Variants in ERAP1 observed in about 807,000 individuals in gnomAD.
ERAP1 encodes endoplasmic reticulum aminopeptidase 1.
A neutral mutation model predicts 103.7 loss-of-function variants in ERAP1; 86 were observed. The observed-to-expected ratio is 0.83, with a 90% confidence interval of 0.70 to 0.99. ERAP1 has a LOEUF of 0.99. Among genes scored for constraint, ERAP1 ranks in the 50% least tolerant of loss-of-function variants. ERAP1 has a pLI of 0.00. For missense variants in ERAP1, 1,009 were observed against 1,128.4 expected, an observed-to-expected ratio of 0.89 and a Z score of 1.52; for synonymous variants, 398 against 402.4, an observed-to-expected ratio of 0.99 and a Z score of 0.13.
At chr5:96,845,862 A>T in the ERAP1 span, among the ~76,000 whole-genome samples, 1 of 152,200 alleles carries the variant, frequency 6.6e-6, no homozygotes, top group Non-Finnish European at 1.5e-5. Flanking sequence ...GAAAAGAAGG[A>T]GAGAAATTAT....
the ERAP1 span, chr5:96,892,391 A>G: frequency 6.2e-7 from 1 of 1,613,880 alleles, no homozygotes; most frequent in Non-Finnish European, 8.5e-7. Flanking sequence ...TGACCCCAAG[A>G]CCTCTTCTGC....
the ERAP1 span, among the ~76,000 whole-genome samples, chr5:96,927,261 A>G: frequency 3.3e-5 from 5 of 152,196 alleles, no homozygotes; most frequent in African/African-American, 1.2e-4. Context: ...ACCATTTTAC[A>G]TTCCCATCAG....
chr5:96,907,453 T>C, the ERAP1 span, among the ~76,000 whole-genome samples: 1 of 152,226 alleles, frequency 6.6e-6, no homozygotes, highest in African/African-American at 2.4e-5. Context: ...ATATGTCAAA[T>C]ATTCTTCTTA....
the ERAP1 span, chr5:96,912,714 A>G: frequency 6.2e-7 from 1 of 1,604,404 alleles, no homozygotes; most frequent in Non-Finnish European, 8.5e-7. Context: ...CTTTTAGAGC[A>G]ATATGAACTG....
chr5:96,794,171 CTTTTTTTTTT>C (rs35041937), intron 5 of ERAP1, among the ~76,000 whole-genome samples: 46 of 68,734 alleles, frequency 6.7e-4, no homozygotes, highest in African/African-American at 1.1e-3. Flanking sequence ...CATCTCAGGC[CTTTTTTTTTT>C]TTTTTTTTTT....
At chr5:96,785,479 C>G (rs11750283) in intron 13 of ERAP1, 5 of 387,796 alleles carry the variant, frequency 1.3e-5, no homozygotes, top group Non-Finnish European at 2.5e-5. Flanking sequence ...GGGACCATGC[C>G]GCGGGGACAA....
At chr5:96,799,393 G>A (rs990962007) in intron 3 of ERAP1, among the ~76,000 whole-genome samples, 1 of 152,034 alleles carries the variant, frequency 6.6e-6, no homozygotes, top group African/African-American at 2.4e-5. Context: ...ATTTCTGTTA[G>A]TGAGAGGTAT....
chr5:96,901,648 AG>A, the ERAP1 span: 153 of 1,614,046 alleles, frequency 9.5e-5, 3 homozygotes, highest in South Asian at 1.6e-3. Context: ...GGGGTTTTCC[AG>A]GAAGACCCTG....
chr5:96,903,559 G>T, the ERAP1 span: 1 of 1,588,890 alleles, frequency 6.3e-7, no homozygotes, highest in Admixed American at 1.9e-5. Flanking sequence ...TCAGCTAGTT[G>T]GGTAAGGCAA....
the ERAP1 span, chr5:96,873,318 C>T: frequency 2.2e-6 from 1 of 456,274 alleles, no homozygotes; most frequent in Non-Finnish European, 4.4e-6. Flanking sequence ...GTGCGCAACA[C>T]TGATAGGTGC....
chr5:96,882,556 C>T, the ERAP1 span, among the ~76,000 whole-genome samples: 1 of 152,176 alleles, frequency 6.6e-6, no homozygotes, highest in Non-Finnish European at 1.5e-5. Flanking sequence ...GAAAGTGGTT[C>T]TTTTGAGATG....
chr5:96,811,164 T>A (rs1779129960), upstream of ERAP1, among the ~76,000 whole-genome samples: 1 of 152,172 alleles, frequency 6.6e-6, no homozygotes, highest in South Asian at 2.1e-4. Context: ...GGATGACTTT[T>A]TTCCCCCTCT....
At chr5:96,761,767 A>T (rs1768046392) in exon 20 of ERAP1, 1 of 153,942 alleles carries the variant, frequency 6.5e-6, no homozygotes, top group South Asian at 2.1e-4. Flanking sequence ...TATACAAGCA[A>T]TAGTAGTATA....
chr5:96,771,252 C>T (rs1164467281), downstream of ERAP1, among the ~76,000 whole-genome samples: 1 of 152,068 alleles, frequency 6.6e-6, no homozygotes, highest in Non-Finnish European at 1.5e-5. Context: ...TTAATCAGCC[C>T]TTTAACAAAT....
the ERAP1 span, chr5:96,889,521 C>T: frequency 1.1e-5 from 8 of 703,128 alleles, no homozygotes; most frequent in African/African-American, 1.2e-4. Flanking sequence ...ATTCTTTTAT[C>T]AGGTTTAACG....
upstream of ERAP1, among the ~76,000 whole-genome samples, chr5:96,810,080 C>G (rs997557191): frequency 7.2e-5 from 11 of 152,180 alleles, no homozygotes; most frequent in African/African-American, 2.7e-4. Flanking sequence ...CCACCCGCTC[C>G]ACGCCGTTTC....
the ERAP1 span, among the ~76,000 whole-genome samples, chr5:96,846,862 T>C: frequency 1.3e-5 from 2 of 152,072 alleles, no homozygotes; most frequent in African/African-American, 2.4e-5. Flanking sequence ...TGGAACAAAT[T>C]GTGAACTGAA....
chr5:96,790,285 T>G lies in ERAP1; in HGVS notation c.1524+11A>C, dbSNP rs530171257. The G allele has an allele frequency of 6.2e-7, 1 of 1,613,150 alleles. No homozygotes were observed. Among genetic ancestry groups the G allele is most frequent in the Non-Finnish European group, 8.5e-7 (1 of 1,179,256 alleles). On this transcript the variant is annotated intron_variant, in intron 10 of 18. Coordinates refer to ENST00000443439, the MANE Select transcript of ERAP1 (RefSeq NM_001040458.3). ...GTGCTTGGGGGAACATGTACAGATA[T>G]AGAAACTTACTGAGGATGAAGATGA... is the stretch of plus-strand genomic sequence containing the variant.
chr5:96,859,136 A>G, the ERAP1 span, among the ~76,000 whole-genome samples: 3 of 151,114 alleles, frequency 2.0e-5, no homozygotes, highest in African/African-American at 7.3e-5. Flanking sequence ...ATTCCTTTCC[A>G]TGCCCCTAAG....
Sources: allele counts gnomAD v4.1 joint callset (sites outside exome capture counted in the v4.1 genomes callset), GRCh38; gene constraint gnomAD v4.1.1; transcripts MANE v1.5; gene names NCBI Gene and HGNC (gene_info 2026-07-23, HGNC 2026-07-21).